The following CUL1 variants were observed in gnomAD, a reference collection of about 807,000 sequenced individuals.
The protein encoded by CUL1 is cullin-1.
Under a neutral mutation model 118.0 loss-of-function variants are expected in CUL1, and 24 were observed. The observed-to-expected ratio is 0.20, with a 90% CI of 0.15 to 0.29. The LOEUF is 0.29. Among genes scored for constraint, CUL1 ranks in the 10% least tolerant of loss-of-function variants. CUL1 has a pLI of 1.00. For synonymous variants in CUL1, 332 were observed against 340.4 expected (o/e 0.98, Z 0.27); for missense variants, 361 against 933.8 (o/e 0.39, Z 7.99).
Position 148,759,324 on chromosome 7 carries a change from A to G in CUL1, c.504A>G (p.Arg168=). ...TCCAGCTTGCATTGGTGACTTGGAGAGACTGTCTGTTCAGGCCACTGAATA... is the reference window on the plus strand; with the variant it reads ...TCCAGCTTGCATTGGTGACTTGGAGGGACTGTCTGTTCAGGCCACTGAATA... ...EIYSLALVTW[R]DCLFRPLNKQ... is the part of the protein sequence containing the mutation. The change falls in exon 5 of 22, where the codon AGA becomes AGG. Residue 168 remains arginine (R), a synonymous_variant. Coordinates refer to ENST00000325222, the MANE Select transcript of CUL1 (RefSeq NM_003592.3). 5.0e-6 allele frequency: 8 copies of G among 1,614,022 alleles called. No individual in the cohort carries two copies. The highest frequency in any genetic ancestry group is 6.8e-6 in the Non-Finnish European group (8 of 1,179,946).
chr7:148,734,004 T>G (rs1019125798), intron 2 of CUL1, among the ~76,000 whole-genome samples: 3 of 149,028 alleles, frequency 2.0e-5, no homozygotes, highest in African/African-American at 7.5e-5. Flanking sequence ...CTCAAAATGG[T>G]GAAAGAAGGG....
chr7:148,721,048 G>A (rs243525), intron 1 of CUL1, among the ~76,000 whole-genome samples: 68,670 of 152,054 alleles, frequency 0.45, 16,458 homozygotes, highest in African/African-American at 0.63. Flanking sequence ...AAACTTAAAG[G>A]GAATTTAATA....
chr7:148,698,545 A>C (rs1797595053), upstream of CUL1: 1 of 151,848 alleles, frequency 6.6e-6, no homozygotes, highest in African/African-American at 2.4e-5. Context: ...TCGCAGGTAG[A>C]AGCTTCCCCA....
chr7:148,768,454 G>T (rs963705437), intron 9 of CUL1, among the ~76,000 whole-genome samples: 1 of 140,196 alleles, frequency 7.1e-6, no homozygotes, highest in Admixed American at 7.8e-5. Flanking sequence ...GTGCCATCTC[G>T]GCTCACTGCA....
At chr7:148,723,573 T>C (rs772700845) in intron 1 of CUL1, among the ~76,000 whole-genome samples, 2 of 152,174 alleles carry the variant, frequency 1.3e-5, no homozygotes, top group Non-Finnish European at 2.9e-5. Context: ...TAAGGCTGCT[T>C]GTTGCAGTAT....
intron 1 of CUL1, among the ~76,000 whole-genome samples, chr7:148,704,751 G>A (rs1797830375): frequency 6.6e-6 from 1 of 152,106 alleles, no homozygotes; most frequent in Non-Finnish European, 1.5e-5. Context: ...ATGAAAACCA[G>A]AATGTTAGCA....
chr7:148,728,149 A>G (rs944754217), intron 1 of CUL1, among the ~76,000 whole-genome samples: 1 of 152,158 alleles, frequency 6.6e-6, no homozygotes, highest in Non-Finnish European at 1.5e-5. Context: ...GTGAAAGATG[A>G]GGGCTGTGGC....
chr7:148,775,531 T>C (rs980856030), intron 9 of CUL1, among the ~76,000 whole-genome samples: 9 of 152,210 alleles, frequency 5.9e-5, no homozygotes, highest in African/African-American at 1.9e-4. Flanking sequence ...AAGAAACAAA[T>C]GTGCAGGTTT....
intron 1 of CUL1, among the ~76,000 whole-genome samples, chr7:148,723,521 G>C (rs974982868): frequency 3.9e-5 from 6 of 152,102 alleles, no homozygotes; most frequent in African/African-American, 9.7e-5. Flanking sequence ...GGTACATACA[G>C]GTGTTTATCA....
At chr7:148,707,619 G>A (rs1478038769) in intron 1 of CUL1, among the ~76,000 whole-genome samples, 2 of 152,058 alleles carry the variant, frequency 1.3e-5, no homozygotes, top group African/African-American at 2.4e-5. Flanking sequence ...GCATACATTA[G>A]CTGTTTTCCC....
At chr7:148,703,855 A>G (rs1387432399) in intron 1 of CUL1, among the ~76,000 whole-genome samples, 1 of 152,270 alleles carries the variant, frequency 6.6e-6, no homozygotes, top group East Asian at 1.9e-4. Flanking sequence ...AGTAGTAAAA[A>G]TGGCTGTCAT....
At chr7:148,778,070 C>CAAAAAAAAAAAAAAAAAAAAA (rs1203417069) in intron 9 of CUL1, among the ~76,000 whole-genome samples, 11 of 13,792 alleles carry the variant, frequency 8.0e-4, no homozygotes, top group Non-Finnish European at 1.3e-3. Flanking sequence ...GACCCTGTCT[C>CAAAAAAAAAAAAAAAAAAAAA]AAAAAAAAAA....
chr7:148,766,411 C>A, intron 7 of CUL1, 150 bp from the exon 8 acceptor site: 1 of 676,822 alleles, frequency 1.5e-6, no homozygotes, highest in Non-Finnish European at 2.4e-6. Context: ...TCATGCCCAG[C>A]CCTCCCTTAT....
chr7:148,722,022 T>G (rs1798413289), intron 1 of CUL1, among the ~76,000 whole-genome samples: 1 of 152,238 alleles, frequency 6.6e-6, no homozygotes, highest in Non-Finnish European at 1.5e-5. Context: ...TTAAAATTCT[T>G]AAAGTTTTAA....
chr7:148,778,070 CAAAAAAAAAAA>C (rs1203417069), intron 9 of CUL1, among the ~76,000 whole-genome samples: 1 of 13,792 alleles, frequency 7.3e-5, no homozygotes, highest in Non-Finnish European at 1.4e-4. Flanking sequence ...GACCCTGTCT[CAAAAAAAAAAA>C]AAAAAAAAAA....
In CUL1 at chr7:148,782,894, C is replaced by T. The variant is rs1210625816; in HGVS notation, c.1084-889C>T. Among the ~76,000 whole-genome samples the T allele has an allele frequency of 3.3e-5, 5 of 152,204 alleles. No individual in the cohort carries two copies. The South Asian group carries it at 1.0e-3, about 31-fold the overall frequency. On this transcript the variant is annotated intron_variant, in intron 9 of 21. Coordinates refer to ENST00000325222, the MANE Select transcript of CUL1 (RefSeq NM_003592.3). ...CTGGGGGTGACCCGGAGCTCCCTCC[C>T]ACCAACCTTCCCAGCCGGGCTCCCT...
chr7:148,722,352 C>G (rs1218981696), intron 1 of CUL1, among the ~76,000 whole-genome samples: 1 of 152,204 alleles, frequency 6.6e-6, no homozygotes, highest in Admixed American at 6.5e-5. Flanking sequence ...ACTTCTTTAC[C>G]CACCTCAGTT....
At chr7:148,752,933 C>T (rs917152247) in intron 2 of CUL1, among the ~76,000 whole-genome samples, 1 of 152,134 alleles carries the variant, frequency 6.6e-6, no homozygotes, top group East Asian at 1.9e-4. Context: ...ATTACAGGCG[C>T]GAGCCACCGC....
At chr7:148,786,876 G>GC in intron 12 of CUL1, 113 bp from the exon 13 acceptor site, 1 of 1,432,962 alleles carries the variant, frequency 7.0e-7, no homozygotes, top group Non-Finnish European at 9.4e-7. Flanking sequence ...GTACAGACCT[G>GC]CCCAAAGCCA....
Sources: allele counts gnomAD v4.1 joint callset (sites outside exome capture counted in the v4.1 genomes callset), GRCh38; gene constraint gnomAD v4.1.1; transcripts MANE v1.5; gene names NCBI Gene and HGNC (gene_info 2026-07-23, HGNC 2026-07-21).